RHPN2: variants seen among roughly 807,000 people sequenced by gnomAD.
RHPN2 encodes the protein rhophilin Rho GTPase binding protein 2, also known as rhophilin-2.
A neutral mutation model predicts 79.0 loss-of-function variants in RHPN2; 40 were observed. That is an observed-to-expected ratio of 0.51 (90% CI 0.39 to 0.66). The LOEUF (loss-of-function observed/expected upper bound fraction) is 0.66, where lower values mean the gene tolerates loss of function less well. Among genes scored for constraint, RHPN2 ranks in the 30% least tolerant of loss-of-function variants. The pLI is 0.00. For missense variants in RHPN2, 686 were observed against 883.5 expected (o/e 0.78, Z 2.83); for synonymous variants, 285 against 363.5 (o/e 0.78, Z 2.46).
intron 2 of RHPN2, among the ~76,000 whole-genome samples, chr19:33,039,707 G>A (rs1036266962): frequency 2.6e-5 from 4 of 151,828 alleles, no homozygotes; most frequent in Non-Finnish European, 5.9e-5. Flanking sequence ...GTATGATGGC[G>A]CATGCTTGTA....
At chr19:33,041,631 G>T (rs1972101068) in intron 2 of RHPN2, among the ~76,000 whole-genome samples, 1 of 152,136 alleles carries the variant, frequency 6.6e-6, no homozygotes, top group Non-Finnish European at 1.5e-5. Context: ...ACACAAAACT[G>T]CCCTAGTTCC....
chr19:32,996,103 T>G lies in RHPN2; in HGVS notation c.1343A>C (p.Glu448Ala). The change falls in exon 11 of 15, where the codon GAA (glutamate) becomes GCA (alanine). Residue 448 changes from glutamate to alanine, a missense_variant. Glu to Ala is a moderately radical substitution (Grantham distance 107). Transcript: ENST00000254260. Reference sequence around the variant, plus strand: ...CTGGGCGTACGTGAGCCGGGAGCGTTCCTGTGCGGCACACAGCACCTTCTG... The same window carrying G: ...CTGGGCGTACGTGAGCCGGGAGCGTGCCTGTGCGGCACACAGCACCTTCTG... The part of the protein sequence containing the change: ...VLQKVLCAAQ[E>A]RSRLTYAQHQ... 6.2e-7 allele frequency: 1 copy of G among 1,614,028 alleles called. No individual in the cohort carries two copies. Among genetic ancestry groups the G allele is most frequent in the Non-Finnish European group, 8.5e-7 (1 of 1,179,902 alleles).
At chr19:32,993,840 A>G in intron 12 of RHPN2, 137 bp downstream of exon 12, 1 of 718,236 alleles carries the variant, frequency 1.4e-6, no homozygotes, top group Non-Finnish European at 2.6e-6. Context: ...CGGAACTAAG[A>G]AATATATTTC....
At chr19:33,055,727 C>G (rs536453645) in intron 1 of RHPN2, among the ~76,000 whole-genome samples, 164 of 104,404 alleles carry the variant, frequency 1.6e-3, no homozygotes, top group African/African-American at 0.01. Context: ...CAAGGAGCTT[C>G]TGGGTTAAAA....
rs555095577 is a variant in RHPN2, at chr19:33,052,063, G to A, written c.70-7699C>T. On this transcript the variant is annotated intron_variant, in intron 1 of 14. Coordinates refer to ENST00000254260, the MANE Select transcript of RHPN2 (RefSeq NM_033103.5). Reference sequence around the variant, plus strand: ...CAAAAACTGACCGTGCTGGCACCTTGATCTTGGATTTCTAGCCTCTAGAAC... The same window carrying A: ...CAAAAACTGACCGTGCTGGCACCTTAATCTTGGATTTCTAGCCTCTAGAAC... Among the ~76,000 whole-genome samples the A allele has an allele frequency of 1.1e-4, 17 of 151,488 alleles. No homozygotes were observed. The South Asian group carries it at 3.3e-3, about 30-fold the overall frequency.
intron 1 of RHPN2, among the ~76,000 whole-genome samples, chr19:33,058,945 A>G (rs538440897): frequency 6.6e-6 from 1 of 152,088 alleles, no homozygotes; most frequent in Non-Finnish European, 1.5e-5. Flanking sequence ...AAAAAATACA[A>G]TTAGCCGGGC....
At chr19:33,040,733 T>A (rs527317198) in intron 2 of RHPN2, among the ~76,000 whole-genome samples, 4 of 152,112 alleles carry the variant, frequency 2.6e-5, no homozygotes, top group Admixed American at 6.5e-5. Context: ...GGCAGGCAGA[T>A]CACCTGAGGT....
At chr19:33,023,445 A>G (rs1272543746) in intron 3 of RHPN2, among the ~76,000 whole-genome samples, 8 of 148,398 alleles carry the variant, frequency 5.4e-5, no homozygotes, top group East Asian at 3.9e-4. Flanking sequence ...AGGAAAAAAA[A>G]AAAAAAAGAA....
intron 1 of RHPN2, among the ~76,000 whole-genome samples, chr19:33,059,693 C>A (rs1239467727): frequency 5.3e-5 from 8 of 152,086 alleles, no homozygotes; most frequent in African/African-American, 1.9e-4. Flanking sequence ...CAATATCTTC[C>A]CTGCCCTTCT....
intron 1 of RHPN2, among the ~76,000 whole-genome samples, chr19:33,051,044 T>A (rs1019977502): frequency 1.3e-5 from 2 of 151,224 alleles, no homozygotes; most frequent in Non-Finnish European, 2.9e-5. Flanking sequence ...CAAGCTGGAG[T>A]GCAGTGGCAT....
chr19:32,993,900 T>C, intron 12 of RHPN2, 77 bp downstream of exon 12: 1 of 1,059,872 alleles, frequency 9.4e-7, no homozygotes, highest in South Asian at 1.3e-5. Context: ...GCAGCCCACA[T>C]GGACTAAGAC....
chr19:33,041,558 T>C (rs968984166), intron 2 of RHPN2, among the ~76,000 whole-genome samples: 10 of 152,134 alleles, frequency 6.6e-5, no homozygotes, highest in East Asian at 1.9e-4. Flanking sequence ...AGTTTAACAA[T>C]GAGCTTGAGT....
intron 14 of RHPN2, among the ~76,000 whole-genome samples, chr19:32,983,284 G>A (rs992817266): frequency 4.6e-5 from 7 of 152,074 alleles, no homozygotes; most frequent in East Asian, 3.9e-4. Context: ...AGGCCAAGGC[G>A]GGCAGATCAC....
chr19:32,997,579 T>G (rs1971712863), intron 10 of RHPN2, among the ~76,000 whole-genome samples: 1 of 151,686 alleles, frequency 6.6e-6, no homozygotes, highest in African/African-American at 2.4e-5. Context: ...AACCTCCACC[T>G]CCCAGGTTCA....
intron 7 of RHPN2, 98 bp from the exon 8 acceptor site, chr19:33,003,098 C>A: frequency 9.4e-7 from 1 of 1,068,542 alleles, no homozygotes; most frequent in Middle Eastern, 2.5e-4. Context: ...GTGGCTCATG[C>A]CCATAATCCC....
rs183561896 is a variant in RHPN2 at position 33,029,816 on chromosome 19, A to C, written c.186-3184T>G. Among the ~76,000 whole-genome samples, 142 of 152,262 alleles carry C rather than the reference A, an allele frequency of 9.3e-4. 1 individual carries two copies. The highest frequency in any genetic ancestry group is 3.3e-3 in the African/African-American group (136 of 41,558). ...GCAAAGGGAAAGGCACATGGGGTGA[A>C]ATTGGGAGGAGGCCCGGCCCAGGCT... On this transcript the variant is annotated intron_variant, in intron 2 of 14. Transcript: ENST00000254260.
At chr19:33,023,587 A>G (rs1971942164) in intron 3 of RHPN2, among the ~76,000 whole-genome samples, 1 of 151,866 alleles carries the variant, frequency 6.6e-6, no homozygotes, top group South Asian at 2.1e-4. Context: ...GGAGATCGAG[A>G]CCATCCTGGC....
rs879404672 is a variant in RHPN2, at chr19:33,016,211, A to AT, written c.391-3488dup. On this transcript the variant is annotated intron_variant, in intron 4 of 14. Coordinates refer to ENST00000254260, the MANE Select transcript of RHPN2 (RefSeq NM_033103.5). ...TTTCATTTTCTTTCATTGATTCGAA[A>AT]TTTTTTTTTTTTTTAAATGAGACAA... Among the ~76,000 whole-genome samples the AT allele has an allele frequency of 5.2e-4, 77 of 146,874 alleles. 1 individual carries two copies. The highest frequency in any genetic ancestry group is 4.1e-3 in the East Asian group (21 of 5,064).
intron 1 of RHPN2, among the ~76,000 whole-genome samples, chr19:33,056,408 G>A (rs915848829): frequency 1.6e-4 from 25 of 151,902 alleles, no homozygotes; most frequent in Non-Finnish European, 1.0e-4. Context: ...CACCACCCCC[G>A]GCCTTCCAGC....
Sources: gnomAD v4.1 joint callset for allele counts (sites outside exome capture counted in the v4.1 genomes callset) on GRCh38, gnomAD v4.1.1 for gene constraint, MANE v1.5 for transcripts, NCBI Gene and HGNC (gene_info 2026-07-23, HGNC 2026-07-21) for gene names.